HELQ: variants seen among roughly 807,000 people sequenced by gnomAD.
The protein encoded by HELQ is helicase, POLQ like.
A neutral mutation model predicts 111.6 loss-of-function variants in HELQ; 77 were observed. The observed-to-expected ratio is 0.69, with a 90% CI of 0.57 to 0.83. HELQ has a LOEUF of 0.83. HELQ is among the 40% of genes least tolerant of loss of function. The pLI, the probability that HELQ is intolerant of heterozygous loss-of-function variation, is 0.00. For synonymous variants in HELQ, 438 were observed against 454.7 expected (o/e 0.96, Z 0.47); for missense variants, 1,200 against 1,288.5 (o/e 0.93, Z 1.05).
At position 83,407,423 on chromosome 4, in the gene HELQ, T is replaced by C; in HGVS notation, c.*30A>G. 1.5e-6 allele frequency: 2 copies of C among 1,351,490 alleles called. No homozygotes were observed. Among genetic ancestry groups the C allele is most frequent in the Non-Finnish European group, 2.1e-6 (2 of 966,544 alleles). The allele number at this position is 1,351,490 out of a possible 1,614,324, so 83.7% of individuals were successfully genotyped here. ...AATAACACACATGTACAATAAATAA[T>C]TCATATATGAAAATTCTCATCAGAT... On this transcript the variant is annotated 3_prime_UTR_variant, in exon 18 of 18. Transcript: ENST00000295488.
At chr4:83,436,740 G>T in intron 9 of HELQ, 118 bp downstream of exon 9, 1 of 1,062,820 alleles carries the variant, frequency 9.4e-7, no homozygotes, top group Non-Finnish European at 1.3e-6. Flanking sequence ...CTCAGCATAT[G>T]CTAAAAGAAC....
At chr4:83,447,653 G>A (rs1212045817) in intron 3 of HELQ, among the ~76,000 whole-genome samples, 10 of 152,034 alleles carry the variant, frequency 6.6e-5, no homozygotes, top group East Asian at 1.9e-4. Flanking sequence ...GAGGACAGGC[G>A]TTTGAGATCA....
chr4:83,408,307 G>T (rs766500345), intron 17 of HELQ, among the ~76,000 whole-genome samples: 12 of 151,586 alleles, frequency 7.9e-5, no homozygotes, highest in Non-Finnish European at 1.8e-4. Context: ...GCTGGAGCAC[G>T]GTGGCGTGAT....
In HELQ at chr4:83,443,576, T is replaced by C. The variant is rs771013372; in HGVS notation, c.1504A>G (p.Asn502Asp). The stretch of plus-strand genomic sequence containing the variant: ...AGAAACTTTTGTAGGTCTTCAACAT[T>C]GTTTAATGTTGCACTCATACCAATA... Reference protein sequence around the residue: ...QIIGMSATLNNVEDLQKFLQA... With the variant: ...QIIGMSATLNDVEDLQKFLQA... The change falls in exon 6 of 18, where the codon AAT becomes GAT. Residue 502 changes from asparagine to aspartate, a missense_variant. By Grantham distance (23) the Asn-to-Asp change is conservative. Coordinates refer to ENST00000295488, the MANE Select transcript of HELQ (RefSeq NM_133636.5). 2 of 1,590,366 alleles carry C rather than the reference T, an allele frequency of 1.3e-6. No homozygotes were observed. The highest frequency in any genetic ancestry group is 1.7e-6 in the Non-Finnish European group (2 of 1,161,612).
chr4:83,407,385 A>G lies in HELQ; in HGVS notation c.*68T>C, dbSNP rs1411958974. ...AAATGTATTTTTTCATTTATAAAGTATAAGTTATCTTTAATAACACACATG... is the reference window on the plus strand; with the variant it reads ...AAATGTATTTTTTCATTTATAAAGTGTAAGTTATCTTTAATAACACACATG... On this transcript the variant is annotated 3_prime_UTR_variant, in exon 18 of 18. Transcript: ENST00000295488. The G allele has an allele frequency of 5.1e-6, 5 of 980,858 alleles. No homozygotes were observed. Among genetic ancestry groups the G allele is most frequent in the East Asian group, 5.5e-5 (2 of 36,618 alleles). The allele number at this position is 980,858 out of a possible 1,614,324, so 60.8% of individuals were successfully genotyped here.
Position 83,446,830 on chromosome 4 carries a change from CCAACCTCGTCTACAA to C in HELQ, c.1382_1392+4del, listed in dbSNP as rs754264265. 9.4e-6 allele frequency: 15 copies of C among 1,587,676 alleles called. No individual in the cohort carries two copies. The highest frequency in any genetic ancestry group is 1.3e-5 in the Non-Finnish European group (15 of 1,160,434). On this transcript the variant is annotated splice_donor_variant and splice_donor_region_variant and coding_sequence_variant and intron_variant, in exon 4 of 18. Transcript: ENST00000295488. LOFTEE classifies it high-confidence loss of function. ...TATTGACAAATTACAAAAGTATTAA[CCAACCTCGTCTACAA>C]CAACCAGACCCAGACTGTCAATTCT...
intron 14 of HELQ, among the ~76,000 whole-genome samples, chr4:83,423,983 T>C (rs762933897): frequency 6.6e-6 from 1 of 152,152 alleles, no homozygotes; most frequent in Non-Finnish European, 1.5e-5. Context: ...GGGGGGCCTC[T>C]TTTTCAATGT....
intron 9 of HELQ, among the ~76,000 whole-genome samples, chr4:83,436,434 A>T (rs1720464562): frequency 1.3e-5 from 2 of 152,202 alleles, no homozygotes; most frequent in South Asian, 4.1e-4. Context: ...ATAACTGGAA[A>T]GGTAATCAAG....
chr4:83,419,791 CA>C (rs1420994185), intron 15 of HELQ, among the ~76,000 whole-genome samples: 31 of 152,112 alleles, frequency 2.0e-4, no homozygotes, highest in African/African-American at 7.0e-4. Context: ...AGCATGTGCT[CA>C]GGGGGTATAA....
chr4:83,417,770 A>C (rs556338816), intron 16 of HELQ, among the ~76,000 whole-genome samples: 1 of 152,318 alleles, frequency 6.6e-6, no homozygotes, highest in African/African-American at 2.4e-5. Flanking sequence ...AACTGACAGA[A>C]GGTAATTCTT....
At chr4:83,432,393 G>T in intron 9 of HELQ, 126 bp from the exon 10 acceptor site, 1 of 544,846 alleles carries the variant, frequency 1.8e-6, no homozygotes, top group Non-Finnish European at 2.8e-6. Flanking sequence ...GGTAACTAGT[G>T]TTTACCAAGA....
Position 83,416,721 on chromosome 4 carries a change from G to A in HELQ, c.3198+10C>T. 6.2e-7 allele frequency: 1 copy of A among 1,610,452 alleles called. No homozygotes were observed. Among genetic ancestry groups the A allele is most frequent in the Non-Finnish European group, 8.5e-7 (1 of 1,178,998 alleles). On this transcript the variant is annotated intron_variant, in intron 17 of 17. Transcript: ENST00000295488. ...GATTATTAAGGTTAAAAAATGGTTT[G>A]TTTGCTTACCTTTGCTGATGAAACA...
intron 8 of HELQ, among the ~76,000 whole-genome samples, chr4:83,438,993 G>A (rs930209928): frequency 3.3e-5 from 5 of 152,136 alleles, no homozygotes; most frequent in Non-Finnish European, 7.4e-5. Flanking sequence ...GATTCACTAT[G>A]CACCCAAGGT....
Position 83,425,258 on chromosome 4 carries a change from C to T in HELQ, c.2775+736G>A, listed in dbSNP as rs146150835. ...TCATGCCACTGCATTCCAGCCTGGGCGACAGAGTGAGACTGCACCTCAAAA... is the reference window on the plus strand; with the variant it reads ...TCATGCCACTGCATTCCAGCCTGGGTGACAGAGTGAGACTGCACCTCAAAA... On this transcript the variant is annotated intron_variant, in intron 14 of 17. Coordinates refer to ENST00000295488, the MANE Select transcript of HELQ (RefSeq NM_133636.5). 2.4e-3 allele frequency among the ~76,000 whole-genome samples: 307 copies of T among 127,334 alleles called. 3 individuals are homozygous for T. The highest frequency in any genetic ancestry group is 9.3e-3 in the African/African-American group (286 of 30,800). The allele number at this position is 127,334 out of a possible 152,430, so 83.5% of individuals were successfully genotyped here.
chr4:83,424,020 T>C lies in HELQ; in HGVS notation c.2775+1974A>G, dbSNP rs143822360. Among the ~76,000 whole-genome samples, 743 of 152,252 alleles carry C rather than the reference T, an allele frequency of 4.9e-3. 9 individuals carry two copies. The highest frequency in any genetic ancestry group is 0.017 in the African/African-American group (707 of 41,552). On this transcript the variant is annotated intron_variant, in intron 14 of 17. Coordinates refer to ENST00000295488, the MANE Select transcript of HELQ (RefSeq NM_133636.5). Reference sequence around the variant, plus strand: ...GAGAAATCAATTAGATTTTAAGTATTTAAATATGTTCTCCAGAGTTTTAAA... The same window carrying C: ...GAGAAATCAATTAGATTTTAAGTATCTAAATATGTTCTCCAGAGTTTTAAA...
Position 83,453,729 on chromosome 4 carries a change from T to C in HELQ, c.514A>G (p.Lys172Glu). The C allele has an allele frequency of 1.2e-6, 2 of 1,614,136 alleles. No individual in the cohort carries two copies. The highest frequency in any genetic ancestry group is 1.7e-6 in the Non-Finnish European group (2 of 1,179,974). Residue 172 changes from lysine to glutamate, a missense_variant, in exon 2 of 18, where the codon AAG becomes GAG. Coordinates refer to ENST00000295488, the MANE Select transcript of HELQ (RefSeq NM_133636.5). Reference protein sequence around the residue: ...IGNLTELQTDKHTENQSGYEG... With the variant: ...IGNLTELQTDEHTENQSGYEG... ...TATCCACTCTGGTTCTCTGTGTGCT[T>C]ATCAGTTTGTAATTCAGTAAGGTTG...
intron 17 of HELQ, among the ~76,000 whole-genome samples, chr4:83,409,539 G>A (rs1239491771): frequency 6.6e-6 from 1 of 150,816 alleles, no homozygotes; most frequent in African/African-American, 2.5e-5. Flanking sequence ...GGGCAAGAGA[G>A]CGATACTCTG....
intron 2 of HELQ, among the ~76,000 whole-genome samples, chr4:83,450,153 A>G (rs1042956607): frequency 1.3e-5 from 2 of 148,548 alleles, no homozygotes; most frequent in Non-Finnish European, 3.0e-5. Context: ...ACAATCAACC[A>G]ATGAGATTCT....
intron 14 of HELQ, 52 bp from the exon 15 acceptor site, chr4:83,421,788 T>C (rs1198797372): frequency 4.2e-6 from 6 of 1,426,112 alleles, no homozygotes; most frequent in Non-Finnish European, 5.9e-6. Context: ...TAAAAATGTA[T>C]GTTATTAAAA....
Sources: gnomAD v4.1 joint callset for allele counts (sites outside exome capture counted in the v4.1 genomes callset) on GRCh38, gnomAD v4.1.1 for gene constraint, MANE v1.5 for transcripts, NCBI Gene and HGNC (gene_info 2026-07-23, HGNC 2026-07-21) for gene names.